NASP: variants seen among roughly 807,000 people sequenced by gnomAD.
The protein encoded by NASP is NASP histone chaperone.
A neutral mutation model predicts 89.5 loss-of-function variants in NASP; 24 were observed. That is an observed-to-expected ratio of 0.27 (90% CI 0.19 to 0.38). The LOEUF (loss-of-function observed/expected upper bound fraction) is 0.38, where lower values mean the gene tolerates loss of function less well. NASP is among the 10% of genes least tolerant of loss of function. The pLI is 1.00. For missense variants in NASP, 848 were observed against 921.4 expected (o/e 0.92, Z 1.03); for synonymous variants, 306 against 324.7 (o/e 0.94, Z 0.62).
chr1:45,604,854 AT>A lies in NASP; in HGVS notation c.219-81del, dbSNP rs367695678. ...TCTAGGAGTATGTTACTGGAGAAATATCAATTTATAACTGAAGAACTAGAAC... is the reference window on the plus strand; with the variant it reads ...TCTAGGAGTATGTTACTGGAGAAATACAATTTATAACTGAAGAACTAGAAC... On this transcript the variant is annotated intron_variant, in intron 3 of 14. Coordinates refer to ENST00000350030, the MANE Select transcript of NASP (RefSeq NM_002482.4). The A allele has an allele frequency of 4.0e-4, 425 of 1,073,872 alleles. 5 individuals carry two copies. In the Middle Eastern group the frequency reaches 7.7e-3, roughly 20 times the overall value. 66.5% of individuals were successfully genotyped at this position (1,073,872 alleles called of 1,614,324 possible).
intron 2 of NASP, among the ~76,000 whole-genome samples, chr1:45,594,955 G>A (rs1643651193): frequency 6.6e-6 from 1 of 152,146 alleles, no homozygotes; most frequent in Non-Finnish European, 1.5e-5. Flanking sequence ...CTCCGGTCAA[G>A]TTGTTTTCCC....
intron 1 of NASP, among the ~76,000 whole-genome samples, chr1:45,589,532 G>A (rs1387888787): frequency 6.6e-6 from 1 of 152,066 alleles, no homozygotes; most frequent in Admixed American, 6.6e-5. Context: ...AATTCATAAT[G>A]AACGTCATAA....
At chr1:45,613,954 A>G in intron 7 of NASP, 142 bp from the exon 8 acceptor site, 3 of 634,178 alleles carry the variant, frequency 4.7e-6, no homozygotes, top group East Asian at 2.7e-5. Context: ...TTAAGACAGT[A>G]TGTGGACCCA....
intron 7 of NASP, 47 bp from the exon 8 acceptor site, chr1:45,614,049 G>A: frequency 7.2e-7 from 1 of 1,386,836 alleles, no homozygotes; most frequent in Non-Finnish European, 1.0e-6. Context: ...ATTTAGATTT[G>A]TATTTGAAAA....
chr1:45,599,364 C>T (rs1643778690), intron 2 of NASP, among the ~76,000 whole-genome samples: 2 of 152,190 alleles, frequency 1.3e-5, no homozygotes, highest in African/African-American at 4.8e-5. Flanking sequence ...ACCTTCGCCT[C>T]CCAAAGTGCT....
rs1643658891 is a variant in NASP, at chr1:45,595,129, T to TGTGTGTGTGTG, written c.107+3859_107+3860insGTGTGTGTGTG. On this transcript the variant is annotated intron_variant, in intron 2 of 14. Coordinates refer to ENST00000350030, the MANE Select transcript of NASP (RefSeq NM_002482.4). ...CTGCCTCAGCCTGCCAGACTAAGTT[T>TGTGTGTGTGTG]TGTGTGTGTGTGTGTGTGTGTGTGT... is the stretch of plus-strand genomic sequence containing the variant. Among the ~76,000 whole-genome samples, 12 of 111,870 alleles carry TGTGTGTGTGTG rather than the reference T, an allele frequency of 1.1e-4. No individual in the cohort carries two copies. The East Asian group carries it at 2.2e-3, about 20-fold the overall frequency. 73.4% of individuals were successfully genotyped at this position (111,870 alleles called of 152,430 possible). A position where few individuals can be genotyped will look rare whatever the true frequency, so the allele number is the denominator to read the frequency against.
At chr1:45,608,508 C>T (rs1446219695) in intron 6 of NASP, 171 bp downstream of exon 6, 1 of 657,948 alleles carries the variant, frequency 1.5e-6, no homozygotes, top group Non-Finnish European at 2.6e-6. Flanking sequence ...CAAGTAAGTT[C>T]AATCAAAAGC....
Position 45,616,307 on chromosome 1 carries a change from A to T in NASP, c.2023-30A>T. The T allele has an allele frequency of 1.9e-6, 3 of 1,611,690 alleles. No individual in the cohort carries two copies. In the East Asian group the frequency reaches 6.7e-5, roughly 36 times the overall value. ...TGTGGGCGGCCTGGGTTCTATCTTC[A>T]AACTAATTTGGATTTGTCATTTCTC... On this transcript the variant is annotated intron_variant, in intron 11 of 14. Coordinates refer to ENST00000350030, the MANE Select transcript of NASP (RefSeq NM_002482.4).
chr1:45,608,171 TAGTCAGGAGGAG>T lies in NASP; in HGVS notation c.1262_1273del (p.Ser421_Glu424del). 6.2e-7 allele frequency: 1 copy of T among 1,614,156 alleles called. No individual in the cohort carries two copies. The highest frequency in any genetic ancestry group is 1.3e-5 in the African/African-American group (1 of 75,044). On this transcript the variant is annotated inframe_deletion, in exon 6 of 15. Transcript: ENST00000350030. ...AGAAGGTCAGGGCAAAGCTGGTTCC[TAGTCAGGAGGAG>T]ACTAAGCTGTCTGTAGAAGAGTCTG...
intron 2 of NASP, among the ~76,000 whole-genome samples, chr1:45,592,527 T>G (rs1643577065): frequency 1.3e-5 from 2 of 152,080 alleles, no homozygotes; most frequent in Non-Finnish European, 2.9e-5. Context: ...TGTTTGTTTG[T>G]TTTTTGAGAT....
At chr1:45,597,322 T>TTTTA (rs1553170411) in intron 2 of NASP, among the ~76,000 whole-genome samples, 3 of 146,904 alleles carry the variant, frequency 2.0e-5, no homozygotes, top group East Asian at 2.0e-4. Context: ...TTTTTTTTTT[T>TTTTA]AAGACAAATG....
intron 1 of NASP, among the ~76,000 whole-genome samples, chr1:45,589,141 T>G (rs1643447583): frequency 6.6e-6 from 1 of 152,160 alleles, no homozygotes; most frequent in Non-Finnish European, 1.5e-5. Context: ...TTTGTTTATT[T>G]ATTTGAAACA....
chr1:45,596,354 A>G (rs2148340568), intron 2 of NASP, among the ~76,000 whole-genome samples: 2 of 152,326 alleles, frequency 1.3e-5, no homozygotes, highest in South Asian at 4.1e-4. Flanking sequence ...ATTACCCAGT[A>G]AACAACTCCC....
At chr1:45,588,435 A>G (rs897457006) in intron 1 of NASP, among the ~76,000 whole-genome samples, 1 of 151,980 alleles carries the variant, frequency 6.6e-6, no homozygotes, top group Non-Finnish European at 1.5e-5. Flanking sequence ...AATTTTTTGA[A>G]CTAGAGAAGG....
intron 6 of NASP, chr1:45,610,270 T>C (rs571957907): frequency 1.3e-5 from 2 of 152,346 alleles, no homozygotes; most frequent in South Asian, 2.1e-4. Flanking sequence ...GCTTTTCATA[T>C]GCTGCATTTT....
At position 45,608,150 on chromosome 1, in the gene NASP, G is replaced by T. The variant is rs781136472; in HGVS notation, c.1239G>T (p.Lys413Asn). 6.2e-7 allele frequency: 1 copy of T among 1,614,174 alleles called. No individual in the cohort carries two copies. The highest frequency in any genetic ancestry group is 1.7e-4 in the Middle Eastern group (1 of 6,058). The change falls in exon 6 of 15, where the codon AAG (lysine) becomes AAT (asparagine). Residue 413 changes from lysine to asparagine, a missense_variant. Lys to Asn is a moderately conservative substitution (Grantham distance 94). Coordinates refer to ENST00000350030, the MANE Select transcript of NASP (RefSeq NM_002482.4). ...ETKDGSGLEE[K>N]VRAKLVPSQE... is the part of the protein sequence containing the mutation. ...AAGATGGCTCAGGACTAGAGGAGAA[G>T]GTCAGGGCAAAGCTGGTTCCTAGTC...
intron 1 of NASP, among the ~76,000 whole-genome samples, chr1:45,585,233 C>A (rs1307862064): frequency 6.6e-6 from 1 of 152,154 alleles, no homozygotes; most frequent in Non-Finnish European, 1.5e-5. Context: ...CCCAATCTTG[C>A]CATATTTTTT....
intron 2 of NASP, among the ~76,000 whole-genome samples, chr1:45,595,187 G>T (rs1057126714): frequency 7.6e-6 from 1 of 131,280 alleles, no homozygotes; most frequent in Non-Finnish European, 1.7e-5. Context: ...GTGTGTGTGT[G>T]TTTTAGAGAC....
intron 1 of NASP, among the ~76,000 whole-genome samples, chr1:45,586,276 GT>G (rs1483370409): frequency 3.5e-4 from 18 of 51,034 alleles, no homozygotes; most frequent in East Asian, 1.4e-3. Context: ...GTGTGTGTGT[GT>G]GTGTGTGGTG....
Sources: allele counts gnomAD v4.1 joint callset (sites outside exome capture counted in the v4.1 genomes callset), GRCh38; gene constraint gnomAD v4.1.1; transcripts MANE v1.5; gene names NCBI Gene and HGNC (gene_info 2026-07-23, HGNC 2026-07-21).